PTPRG: variants seen among roughly 807,000 people sequenced by gnomAD.
PTPRG encodes the protein protein tyrosine phosphatase receptor type G.
Under a neutral mutation model 165.3 loss-of-function variants are expected in PTPRG, and 102 were observed. That is an observed-to-expected ratio of 0.62 (90% CI 0.53 to 0.73). The LOEUF is 0.73. PTPRG is among the 30% of genes least tolerant of loss of function. The pLI is 0.00. For synonymous variants in PTPRG, 675 were observed against 669.5 expected, an observed-to-expected ratio of 1.01 and a Z score of -0.13; for missense variants, 1,866 against 1,861.4, an observed-to-expected ratio of 1.00 and a Z score of -0.05.
At chr3:61,850,022 C>T (rs967498556) in intron 2 of PTPRG, among the ~76,000 whole-genome samples, 1 of 152,092 alleles carries the variant, frequency 6.6e-6, no homozygotes, top group Non-Finnish European at 1.5e-5. Context: ...TCCTTGTTTC[C>T]TAACCCCAGA....
intron 5 of PTPRG, among the ~76,000 whole-genome samples, chr3:62,105,081 T>A (rs903382953): frequency 2.0e-5 from 3 of 152,148 alleles, no homozygotes; most frequent in African/African-American, 7.2e-5. Flanking sequence ...AAAAGAACTG[T>A]GGTCATTTTG....
intron 1 of PTPRG, among the ~76,000 whole-genome samples, chr3:61,567,785 C>T (rs1461078984): frequency 2.0e-5 from 3 of 151,618 alleles, no homozygotes; most frequent in Non-Finnish European, 2.9e-5. Context: ...GAGTTCAAGA[C>T]CAGCCATGTG....
At chr3:61,945,225 T>C (rs1385295989) in intron 2 of PTPRG, among the ~76,000 whole-genome samples, 1 of 152,134 alleles carries the variant, frequency 6.6e-6, no homozygotes, top group African/African-American at 2.4e-5. Context: ...TGTATGCTTT[T>C]GACAAACATC....
intron 2 of PTPRG, among the ~76,000 whole-genome samples, chr3:61,830,500 A>G (rs902173556): frequency 2.7e-5 from 4 of 150,358 alleles, no homozygotes; most frequent in South Asian, 2.1e-4. Context: ...TTTGTCCACA[A>G]TGTTCTCATC....
intron 1 of PTPRG, among the ~76,000 whole-genome samples, chr3:61,722,651 C>G (rs1226284766): frequency 6.6e-6 from 1 of 152,110 alleles, no homozygotes; most frequent in Non-Finnish European, 1.5e-5. Context: ...ATTTCTAGTC[C>G]TGTTTTCCTT....
At position 61,945,589 on chromosome 3, in the gene PTPRG, AT is replaced by A. The variant is rs1352070118; in HGVS notation, c.191-44035del. ...AAAAAAAAAAAAAAAAAAAAAAAAA[AT>A]GGAAAAAACATAAATGGAGGTGAGC... On this transcript the variant is annotated intron_variant, in intron 2 of 29. Coordinates refer to ENST00000474889, the MANE Select transcript of PTPRG (RefSeq NM_002841.4). Among the ~76,000 whole-genome samples the A allele has an allele frequency of 4.3e-3, 606 of 142,470 alleles. 14 individuals carry two copies. The highest frequency in any genetic ancestry group is 0.027 in the South Asian group (114 of 4,166). The allele number at this position is 142,470 out of a possible 152,430, so 93.5% of individuals were successfully genotyped here.
At chr3:61,763,781 A>G (rs1401382020) in intron 2 of PTPRG, among the ~76,000 whole-genome samples, 3 of 152,210 alleles carry the variant, frequency 2.0e-5, no homozygotes, top group South Asian at 4.1e-4. Flanking sequence ...AAAGCCTGAC[A>G]TCACTGCAAA....
At chr3:61,720,612 G>A (rs559193877) in intron 1 of PTPRG, among the ~76,000 whole-genome samples, 17 of 152,240 alleles carry the variant, frequency 1.1e-4, no homozygotes, top group Admixed American at 5.9e-4. Flanking sequence ...GGCTACTACC[G>A]TCCTGACTTC....
In PTPRG at chr3:62,231,302, A is replaced by AG; in HGVS notation, c.2370dup (p.Ser791GlufsTer23). ...CCTTCTTCTGGGGAGAGAGGAGAGA[A>AG]GGGGAGCAGGTGAGGGGCGGTCAAG... On this transcript the variant is annotated frameshift_variant, in exon 14 of 30. Transcript: ENST00000474889. LOFTEE classifies it high-confidence loss of function. 1.3e-6 allele frequency: 2 copies of AG among 1,593,246 alleles called. No individual in the cohort carries two copies. The highest frequency in any genetic ancestry group is 1.7e-6 in the Non-Finnish European group (2 of 1,169,384).
In PTPRG at chr3:62,222,438, G is replaced by A. The variant is rs1364014928; in HGVS notation, c.2288+3455G>A. On this transcript the variant is annotated intron_variant, in intron 13 of 29. Transcript: ENST00000474889. This position sits in a 1 kb window ranked among gnomAD's most constrained non-coding sequence, Gnocchi z 4.5. ...TTACATGTCTCCACCCCAGTGCAAAGGGAATCTTTCTTCTCTAATAGTTCC... is the reference window on the plus strand; with the variant it reads ...TTACATGTCTCCACCCCAGTGCAAAAGGAATCTTTCTTCTCTAATAGTTCC... 6.6e-6 allele frequency among the ~76,000 whole-genome samples: 1 copy of A among 152,350 alleles called. No individual in the cohort carries two copies.
intron 2 of PTPRG, among the ~76,000 whole-genome samples, chr3:61,851,433 A>G (rs1315508990): frequency 2.6e-5 from 4 of 152,190 alleles, no homozygotes; most frequent in Non-Finnish European, 5.9e-5. Context: ...TTTTAGGAAT[A>G]CAGATGCTTG....
chr3:61,582,254 C>T (rs940914365), intron 1 of PTPRG, among the ~76,000 whole-genome samples: 1 of 152,186 alleles, frequency 6.6e-6, no homozygotes, highest in African/African-American at 2.4e-5. Flanking sequence ...AGGGTGTGAG[C>T]CACTGCACCT....
intron 12 of PTPRG, among the ~76,000 whole-genome samples, chr3:62,215,556 C>CG (rs891510696): frequency 6.2e-5 from 9 of 144,302 alleles, no homozygotes; most frequent in Non-Finnish European, 1.2e-4. Flanking sequence ...ACCCCCCCCC[C>CG]CCGCCAATTA....
At chr3:61,665,084 C>A (rs929479868) in intron 1 of PTPRG, among the ~76,000 whole-genome samples, 5 of 152,028 alleles carry the variant, frequency 3.3e-5, no homozygotes, top group Non-Finnish European at 7.4e-5. Flanking sequence ...TTATTCTGTC[C>A]CATTTTGTGT....
chr3:61,631,877 CA>C (rs1465867491), intron 1 of PTPRG, among the ~76,000 whole-genome samples: 2 of 152,036 alleles, frequency 1.3e-5, no homozygotes, highest in Admixed American at 1.3e-4. Context: ...ATTCATAATC[CA>C]GTGACAAAGA....
chr3:61,840,204 T>C (rs1020061116), intron 2 of PTPRG, among the ~76,000 whole-genome samples: 2 of 152,182 alleles, frequency 1.3e-5, no homozygotes, highest in African/African-American at 4.8e-5. Flanking sequence ...TTTATTGATA[T>C]GATTTTGCTT....
At chr3:61,998,859 T>A (rs543430187) in intron 3 of PTPRG, among the ~76,000 whole-genome samples, 1 of 152,330 alleles carries the variant, frequency 6.6e-6, no homozygotes, top group South Asian at 2.1e-4. Context: ...CCTAGTTAGT[T>A]CAGGCTGCTG....
intron 2 of PTPRG, among the ~76,000 whole-genome samples, chr3:61,823,868 T>C (rs1044464910): frequency 2.6e-5 from 4 of 152,198 alleles, no homozygotes; most frequent in Non-Finnish European, 4.4e-5. Flanking sequence ...GGCTCACGCC[T>C]GTAATCCCAG....
chr3:61,738,346 A>ATGTG (rs2032841087), intron 1 of PTPRG, among the ~76,000 whole-genome samples: 1 of 142,786 alleles, frequency 7.0e-6, no homozygotes, highest in Non-Finnish European at 1.5e-5. Context: ...ATGTATATAT[A>ATGTG]TATATAAACC....
Sources: gnomAD v4.1 joint callset for allele counts (sites outside exome capture counted in the v4.1 genomes callset) on GRCh38, gnomAD v4.1.1 for gene constraint, Gnocchi (gnomAD v3.1) non-coding constraint, MANE v1.5 for transcripts, NCBI Gene and HGNC (gene_info 2026-07-23, HGNC 2026-07-21) for gene names.